Variants in TLE6 observed in about 807,000 individuals in gnomAD.
TLE6 encodes transducin-like enhancer protein 6.
In TLE6, 72 loss-of-function variants were observed where a neutral mutation model predicts 77.1. That is an observed-to-expected ratio of 0.93 (90% CI 0.77 to 1.14). TLE6 has a LOEUF of 1.14. TLE6 is among the 50% of genes most tolerant of loss of function. The pLI, the probability that TLE6 is intolerant of heterozygous loss-of-function variation, is 0.00. For missense variants in TLE6, 843 were observed against 747.6 expected (o/e 1.13, Z -1.49); for synonymous variants, 366 against 287.3 (o/e 1.27, Z -2.77).
At chr19:2,984,448 G>A (rs747691141) in intron 5 of TLE6, 16 of 150,610 alleles carry the variant, frequency 1.1e-4, no homozygotes, top group Non-Finnish European at 1.9e-4. Flanking sequence ...AAAAACTTAA[G>A]AGATAGGATC....
At chr19:2,981,347 C>CAAAA (rs34622024) in intron 3 of TLE6, among the ~76,000 whole-genome samples, 191 bp from the exon 4 acceptor site, 2 of 115,270 alleles carry the variant, frequency 1.7e-5, no homozygotes, top group South Asian at 2.8e-4. Flanking sequence ...GACTCTGTCT[C>CAAAA]AAAAAAAAAA....
At chr19:2,987,459 G>A (rs748035184) in intron 8 of TLE6, 87 bp downstream of exon 8, 6 of 1,577,136 alleles carry the variant, frequency 3.8e-6, no homozygotes, top group South Asian at 1.1e-5. Context: ...TGGGGTTCCT[G>A]TGGGATTTGT....
rs373099397 is a variant in TLE6, at chr19:2,986,848, T to C, written c.242T>C (p.Ile81Thr). The C allele has an allele frequency of 7.7e-6, 12 of 1,551,706 alleles. No homozygotes were observed. Among genetic ancestry groups the C allele is most frequent in the African/African-American group, 5.5e-5 (4 of 73,162 alleles). The change falls in exon 6 of 17, where the codon ATT (isoleucine) becomes ACT (threonine). Residue 81 changes from isoleucine to threonine, a missense_variant. Transcript: ENST00000246112. ...TTCTAGATAGGAAACGTCTTACAGATTGTGGAGAGCTGCAGCCAACTCCAG... is the reference window on the plus strand; with the variant it reads ...TTCTAGATAGGAAACGTCTTACAGACTGTGGAGAGCTGCAGCCAACTCCAG... ...HHKQIGNVLQ[I>T]VESCSQLQGF... is the part of the protein sequence containing the mutation.
chr19:2,979,294 TGG>T (rs1451532754), intron 2 of TLE6, among the ~76,000 whole-genome samples: 2 of 151,674 alleles, frequency 1.3e-5, no homozygotes, highest in African/African-American at 4.8e-5. Flanking sequence ...TTGCCCAGGC[TGG>T]AGTGCAGTGG....
In TLE6 at chr19:2,989,596, G is replaced by T. The variant is rs781406061; in HGVS notation, c.1055G>T (p.Gly352Val). The T allele has an allele frequency of 1.9e-6, 3 of 1,613,950 alleles. No homozygotes were observed. Among genetic ancestry groups the T allele is most frequent in the South Asian group, 2.2e-5 (2 of 91,072 alleles). Residue 352 changes from glycine to valine, a missense_variant, in exon 13 of 17, where the codon GGT becomes GTT. Physicochemically the swap from Gly to Val is moderately radical, Grantham distance 109. Coordinates refer to ENST00000246112, the MANE Select transcript of TLE6 (RefSeq NM_001143986.2). ...TCAAACAGCAGGAGCCTGCTCACCG[G>T]TGGCTACAACCTGGCCAGCGTGAGC... ...LSSNSRSLLT[G>V]GYNLASVSVW... is the part of the protein sequence containing the mutation.
intron 13 of TLE6, 41 bp downstream of exon 13, chr19:2,989,826 C>T (rs761707777): frequency 1.6e-5 from 25 of 1,603,186 alleles, no homozygotes; most frequent in Non-Finnish European, 2.1e-5. Context: ...CCTGTGCCAG[C>T]CTCCTGTGGC....
chr19:2,993,516 G>C lies in TLE6; in HGVS notation c.1471G>C (p.Gly491Arg). Reference sequence around the variant, plus strand: ...CCAGCAGTGGCTGCAAAGCACCAGCGGGAGCCAGCGGCACATGGTGGGGCA... The same window carrying C: ...CCAGCAGTGGCTGCAAAGCACCAGCCGGAGCCAGCGGCACATGGTGGGGCA... Reference protein sequence around the residue: ...NGQQWLQSTSGSQRHMVGQKD... With the variant: ...NGQQWLQSTSRSQRHMVGQKD... Residue 491 changes from glycine (G) to arginine (R), a missense_variant, in exon 15 of 17, where the codon GGG becomes CGG. Gly to Arg is a moderately radical substitution (Grantham distance 125). Transcript: ENST00000246112. 1.9e-6 allele frequency: 3 copies of C among 1,593,440 alleles called. No individual in the cohort carries two copies. The highest frequency in any genetic ancestry group is 2.6e-6 in the Non-Finnish European group (3 of 1,164,368).
intron 5 of TLE6, among the ~76,000 whole-genome samples, chr19:2,982,797 C>T (rs1023909235): frequency 9.9e-5 from 15 of 152,138 alleles, no homozygotes; most frequent in Admixed American, 2.6e-4. Flanking sequence ...CTGCTCCTTC[C>T]GCTCCCTGGG....
intron 1 of TLE6, 83 bp from the exon 2 acceptor site, chr19:2,978,115 C>A: frequency 3.0e-6 from 3 of 1,002,008 alleles, no homozygotes; most frequent in Non-Finnish European, 4.6e-6. Flanking sequence ...CTGGGAGGTG[C>A]GGGTGGGGTA....
In TLE6 at chr19:2,981,652, G is replaced by A. The variant is rs140577765; in HGVS notation, c.180+69G>A. Reference sequence around the variant, plus strand: ...GGACAAGCTGAGGCCCTGGTTTCCCGGCCCTGCCTCCTGAGTGCCCTAGAG... The same window carrying A: ...GGACAAGCTGAGGCCCTGGTTTCCCAGCCCTGCCTCCTGAGTGCCCTAGAG... On this transcript the variant is annotated intron_variant, in intron 4 of 16. Coordinates refer to ENST00000246112, the MANE Select transcript of TLE6 (RefSeq NM_001143986.2). 212 of 1,498,712 alleles carry A rather than the reference G, an allele frequency of 1.4e-4. No homozygotes were observed. In the African/African-American group the frequency reaches 2.6e-3, roughly 19 times the overall value. 92.8% of individuals were successfully genotyped at this position (1,498,712 alleles called of 1,614,324 possible). A position where few individuals can be genotyped will look rare whatever the true frequency, so the allele number is the denominator to read the frequency against.
In TLE6 at chr19:2,994,939, T is replaced by C. The variant is rs372173822; in HGVS notation, c.1654T>C (p.Ser552Pro). Residue 552 changes from serine to proline, a missense_variant, in exon 17 of 17, where the codon TCC (serine) becomes CCC (proline). Physicochemically the swap from Ser to Pro is moderately conservative, Grantham distance 74. Transcript: ENST00000246112. Reference protein sequence around the residue: ...MSPVTCCDVSSNNRLVVTGSG... With the variant: ...MSPVTCCDVSPNNRLVVTGSG... Reference sequence around the variant, plus strand: ...TCCAGTCACGTGCTGTGACGTCTCTTCCAACAACCGCCTCGTTGTCACAGG... The same window carrying C: ...TCCAGTCACGTGCTGTGACGTCTCTCCCAACAACCGCCTCGTTGTCACAGG... 6.8e-6 allele frequency: 11 copies of C among 1,608,178 alleles called. No individual in the cohort carries two copies. The highest frequency in any genetic ancestry group is 9.3e-6 in the Non-Finnish European group (11 of 1,177,554).
In TLE6 at chr19:2,992,162, C is replaced by T. The variant is rs150027182; in HGVS notation, c.1386+178C>T. Among the ~76,000 whole-genome samples the T allele has an allele frequency of 1.9e-3, 289 of 152,122 alleles. 1 individual carries two copies. Among genetic ancestry groups the T allele is most frequent in the African/African-American group, 6.7e-3 (278 of 41,498 alleles). On this transcript the variant is annotated intron_variant, in intron 14 of 16. Transcript: ENST00000246112. ...ACCAGCGTGGCCAACATAGTGAAACCCCATCTCCACTAAAAATACAAAAAT... is the reference window on the plus strand; with the variant it reads ...ACCAGCGTGGCCAACATAGTGAAACTCCATCTCCACTAAAAATACAAAAAT...
In TLE6 at chr19:2,995,122, T is replaced by C; in HGVS notation, c.*118T>C. 1.5e-6 allele frequency: 1 copy of C among 667,754 alleles called. No individual in the cohort carries two copies. 41.4% of individuals were successfully genotyped at this position (667,754 alleles called of 1,614,324 possible). Reference sequence around the variant, plus strand: ...AAGGCTCTTCTGTGGCATCGCACGATCTAGTCTGTGGTGTAGACTGGTCGC... The same window carrying C: ...AAGGCTCTTCTGTGGCATCGCACGACCTAGTCTGTGGTGTAGACTGGTCGC... On this transcript the variant is annotated 3_prime_UTR_variant, in exon 17 of 17. Coordinates refer to ENST00000246112, the MANE Select transcript of TLE6 (RefSeq NM_001143986.2).
chr19:2,989,468 T>C (rs2088992968), intron 12 of TLE6, 67 bp from the exon 13 acceptor site: 1 of 1,574,942 alleles, frequency 6.3e-7, no homozygotes, highest in Non-Finnish European at 8.6e-7. Context: ...TTCGCTCTCA[T>C]GAGGCAAAGC....
chr19:2,990,463 G>A (rs1448301503), intron 13 of TLE6, among the ~76,000 whole-genome samples: 1 of 150,628 alleles, frequency 6.6e-6, no homozygotes, highest in East Asian at 1.9e-4. Flanking sequence ...AATTAGCCAG[G>A]CGCGGTGGTG....
chr19:2,986,821 CCTT>C lies in TLE6; in HGVS notation c.223-5_223-3del, dbSNP rs1363046609. Reference sequence around the variant, plus strand: ...CATTTAACTGTTTTGCTGCCAACCTCCTTCTAGATAGGAAACGTCTTACAGATT... The same window carrying C: ...CATTTAACTGTTTTGCTGCCAACCTCCTAGATAGGAAACGTCTTACAGATT... On this transcript the variant is annotated splice_polypyrimidine_tract_variant and splice_region_variant and intron_variant, in intron 5 of 16. Coordinates refer to ENST00000246112, the MANE Select transcript of TLE6 (RefSeq NM_001143986.2). 3.9e-6 allele frequency: 6 copies of C among 1,551,656 alleles called. No homozygotes were observed. The highest frequency in any genetic ancestry group is 3.3e-4 in the Middle Eastern group (2 of 5,988).
rs540203007 is a variant in TLE6, at chr19:2,986,220, C to T, written c.223-609C>T. On this transcript the variant is annotated intron_variant, in intron 5 of 16. Transcript: ENST00000246112. ...TTGAGGCCAGGAATTCAAGACCAGC[C>T]TGGCCAACATAATGAGACTCCCATT... Among the ~76,000 whole-genome samples, 320 of 151,888 alleles carry T rather than the reference C, an allele frequency of 2.1e-3. 6 individuals are homozygous for T. The highest frequency in any genetic ancestry group is 9.9e-4 in the Admixed American group (15 of 15,222).
intron 14 of TLE6, 152 bp from the exon 15 acceptor site, chr19:2,993,280 A>G (rs1963622139): frequency 7.6e-6 from 5 of 661,732 alleles, no homozygotes; most frequent in Non-Finnish European, 1.2e-5. Flanking sequence ...CAACAAACTG[A>G]GGCACAGATA....
In TLE6 at chr19:2,989,524, G is replaced by A. The variant is rs780027074; in HGVS notation, c.994-11G>A. The A allele has an allele frequency of 1.9e-6, 3 of 1,607,402 alleles. No homozygotes were observed. Among genetic ancestry groups the A allele is most frequent in the Non-Finnish European group, 1.7e-6 (2 of 1,177,246 alleles). On this transcript the variant is annotated splice_polypyrimidine_tract_variant and intron_variant, in intron 12 of 16. Coordinates refer to ENST00000246112, the MANE Select transcript of TLE6 (RefSeq NM_001143986.2). ...GGGGGCGACAGCTCACAGTGACTCT[G>A]CCCATCCCAGACCCCTGGGGCCTTC...
Sources: allele counts gnomAD v4.1 joint callset (sites outside exome capture counted in the v4.1 genomes callset), GRCh38; gene constraint gnomAD v4.1.1; transcripts MANE v1.5; gene names NCBI Gene and HGNC (gene_info 2026-07-23, HGNC 2026-07-21).